Variants in GLIS3 observed in about 807,000 individuals in gnomAD.
The protein encoded by GLIS3 is GLIS family zinc finger 3.
A neutral mutation model predicts 78.6 loss-of-function variants in GLIS3; 53 were observed. That is an observed-to-expected ratio of 0.67 (90% CI 0.54 to 0.85). The LOEUF is 0.85. GLIS3 is among the 40% of genes least tolerant of loss of function. The probability of loss-of-function intolerance (pLI) is 0.00; values close to 1 mark genes in which losing one functional copy is unlikely to be tolerated. For synonymous variants in GLIS3, 684 were observed against 509.9 expected, an observed-to-expected ratio of 1.34 and a Z score of -4.60; for missense variants, 1,703 against 1,231.1, an observed-to-expected ratio of 1.38 and a Z score of -5.74.
the GLIS3 span, among the ~76,000 whole-genome samples, chr9:4,436,811 A>C: frequency 1.5e-4 from 5 of 32,486 alleles, no homozygotes; most frequent in Admixed American, 7.9e-4. Flanking sequence ...ACTGCATCTC[A>C]AAAAAAAAAA....
At chr9:4,292,194 T>A (rs1587333521) in intron 1 of GLIS3, among the ~76,000 whole-genome samples, 2 of 152,320 alleles carry the variant, frequency 1.3e-5, no homozygotes, top group South Asian at 2.1e-4. Flanking sequence ...GGATTGCAAT[T>A]CATTGGTGGT....
chr9:3,965,183 C>CTTTTTTTTTT (rs1817839410), intron 4 of GLIS3, among the ~76,000 whole-genome samples: 1 of 125,364 alleles, frequency 8.0e-6, no homozygotes, highest in East Asian at 2.4e-4. Context: ...CTATTTCTTT[C>CTTTTTTTTTT]TTTTCTTTTC....
the GLIS3 span, among the ~76,000 whole-genome samples, chr9:4,418,585 G>C: frequency 2.9e-3 from 436 of 152,168 alleles, 9 homozygotes; most frequent in Non-Finnish European, 4.3e-4. Context: ...TGTAATCCCA[G>C]CTACTCAGGA....
At chr9:3,869,016 G>C (rs191771888) in intron 8 of GLIS3, among the ~76,000 whole-genome samples, 2 of 152,242 alleles carry the variant, frequency 1.3e-5, no homozygotes. Context: ...ATTGCCTATT[G>C]GCTTGGTGTC....
At chr9:4,261,107 C>T (rs898366676) in intron 2 of GLIS3, among the ~76,000 whole-genome samples, 4 of 152,172 alleles carry the variant, frequency 2.6e-5, no homozygotes, top group Non-Finnish European at 4.4e-5. Context: ...AATTTTATGG[C>T]GTTCCAGAAA....
At position 3,979,027 on chromosome 9, in the gene GLIS3, C is replaced by T. The variant is rs562024930; in HGVS notation, c.1711-41838G>A. 1.7e-3 allele frequency among the ~76,000 whole-genome samples: 264 copies of T among 152,250 alleles called. 2 individuals are homozygous for T. Among genetic ancestry groups the T allele is most frequent in the African/African-American group, 6.2e-3 (259 of 41,552 alleles). The stretch of plus-strand genomic sequence containing the variant: ...GCAAATCCTATACCATTTTATATCA[C>T]ACATTTGGGCACCCATGGATTTTGG... On this transcript the variant is annotated intron_variant, in intron 4 of 10. Coordinates refer to ENST00000381971, the MANE Select transcript of GLIS3 (RefSeq NM_001042413.2).
chr9:4,053,811 T>C (rs762412223), intron 4 of GLIS3, among the ~76,000 whole-genome samples: 1 of 151,876 alleles, frequency 6.6e-6, no homozygotes, highest in Non-Finnish European at 1.5e-5. Flanking sequence ...ATTGGCGAAC[T>C]GTAGACTGCT....
At chr9:3,985,699 G>C (rs1245281217) in intron 4 of GLIS3, among the ~76,000 whole-genome samples, 2 of 152,158 alleles carry the variant, frequency 1.3e-5, no homozygotes, top group South Asian at 2.1e-4. Flanking sequence ...AAAAATTTTA[G>C]CAAAGGAAGC....
At chr9:4,365,291 G>C in the GLIS3 span, among the ~76,000 whole-genome samples, 1 of 152,080 alleles carries the variant, frequency 6.6e-6, no homozygotes, top group Non-Finnish European at 1.5e-5. Context: ...GGCTGGGTGC[G>C]GTGGCTCATG....
At chr9:4,349,244 T>A (rs1389418590), upstream of GLIS3, among the ~76,000 whole-genome samples, 1 of 152,236 alleles carries the variant, frequency 6.6e-6, no homozygotes, top group Non-Finnish European at 1.5e-5. Flanking sequence ...GTGGCACTGG[T>A]ATGCACACTT....
At chr9:4,085,702 A>G (rs536046519) in intron 4 of GLIS3, among the ~76,000 whole-genome samples, 1 of 152,268 alleles carries the variant, frequency 6.6e-6, no homozygotes, top group African/African-American at 2.4e-5. Flanking sequence ...GTTTAGCGCT[A>G]TCCCCTCGGT....
intron 2 of GLIS3, among the ~76,000 whole-genome samples, chr9:4,275,727 C>A (rs972697319): frequency 4.6e-5 from 7 of 152,076 alleles, no homozygotes; most frequent in African/African-American, 1.7e-4. Flanking sequence ...CGTGCTACTG[C>A]ACTCTGGCCT....
the GLIS3 span, among the ~76,000 whole-genome samples, chr9:4,355,339 G>A: frequency 6.6e-6 from 1 of 152,030 alleles, no homozygotes; most frequent in Non-Finnish European, 1.5e-5. Flanking sequence ...CTCCTGTAAG[G>A]CAGGGCTCAT....
chr9:4,300,635 A>G (rs1436639167), upstream of GLIS3, among the ~76,000 whole-genome samples: 1 of 152,056 alleles, frequency 6.6e-6, no homozygotes, highest in Non-Finnish European at 1.5e-5. Flanking sequence ...GAATGGAGGT[A>G]TATTCCCTGC....
At chr9:3,829,565 G>C (rs1817928853) in intron 9 of GLIS3, 73 bp from the exon 10 acceptor site, 1 of 1,512,534 alleles carries the variant, frequency 6.6e-7, no homozygotes, top group Non-Finnish European at 9.2e-7. Flanking sequence ...AACCCAGCTA[G>C]AACCTCACTC....
chr9:4,443,832 T>C, the GLIS3 span, among the ~76,000 whole-genome samples: 1 of 152,220 alleles, frequency 6.6e-6, no homozygotes. Flanking sequence ...CAAGAAGAAA[T>C]AACTTAGCGG....
At chr9:3,949,221 C>G (rs562280265) in intron 4 of GLIS3, among the ~76,000 whole-genome samples, 4 of 152,170 alleles carry the variant, frequency 2.6e-5, no homozygotes, top group Non-Finnish European at 5.9e-5. Context: ...TTTAAATTCA[C>G]AAAGACTGAC....
At chr9:4,269,795 T>C (rs1826341597) in intron 2 of GLIS3, among the ~76,000 whole-genome samples, 1 of 152,134 alleles carries the variant, frequency 6.6e-6, no homozygotes, top group Non-Finnish European at 1.5e-5. Context: ...AAAAAAATAG[T>C]GTTGTGAAGC....
chr9:4,396,872 G>C, the GLIS3 span, among the ~76,000 whole-genome samples: 27,784 of 151,726 alleles, frequency 0.18, 3,191 homozygotes, highest in East Asian at 0.34. Flanking sequence ...GTACGTCTGA[G>C]CAAGTCTGAT....
Sources: allele counts gnomAD v4.1 joint callset (sites outside exome capture counted in the v4.1 genomes callset), GRCh38; gene constraint gnomAD v4.1.1; transcripts MANE v1.5; gene names NCBI Gene and HGNC (gene_info 2026-07-23, HGNC 2026-07-21).